Variants in EPHA6 observed in about 807,000 individuals in gnomAD.
EPHA6 encodes ephrin type-A receptor 6.
In EPHA6, 50 loss-of-function variants were observed where a neutral mutation model predicts 112.0. The observed-to-expected ratio is 0.45, with a 90% confidence interval of 0.36 to 0.56. The LOEUF (loss-of-function observed/expected upper bound fraction) is 0.56, where lower values mean the gene tolerates loss of function less well. Among genes scored for constraint, EPHA6 ranks in the 20% least tolerant of loss-of-function variants. The pLI is 0.00. For missense variants in EPHA6, 1,280 were observed against 1,417.4 expected (o/e 0.90, Z 1.56); for synonymous variants, 529 against 490.7 (o/e 1.08, Z -1.03).
intron 2 of EPHA6, among the ~76,000 whole-genome samples, chr3:96,951,661 G>GA (rs1462758306): frequency 6.6e-6 from 1 of 152,048 alleles, no homozygotes; most frequent in Non-Finnish European, 1.5e-5. Context: ...ATATAGACCT[G>GA]AAAATCAGAT....
chr3:96,988,258 T>C (rs2043091330), intron 3 of EPHA6, among the ~76,000 whole-genome samples: 1 of 152,290 alleles, frequency 6.6e-6, no homozygotes, highest in African/African-American at 2.4e-5. Flanking sequence ...TGATAATTAA[T>C]TGTGAAAGCA....
intron 1 of EPHA6, among the ~76,000 whole-genome samples, chr3:96,821,101 T>C (rs2033217768): frequency 6.6e-6 from 1 of 151,984 alleles, no homozygotes; most frequent in African/African-American, 2.4e-5. Flanking sequence ...ATGTGATATT[T>C]TTGGGGATGG....
rs566534819 is a variant in EPHA6 at position 97,190,201 on chromosome 3, T to C, written c.1115-36063T>C. ...CCACCCTTTACTTGTAGTGATGCTA[T>C]CATGTCCATCTTTTCACTGTTACCA... is the stretch of plus-strand genomic sequence containing the variant. On this transcript the variant is annotated intron_variant, in intron 3 of 17. Transcript: ENST00000389672. Among the ~76,000 whole-genome samples, 8 of 152,278 alleles carry C rather than the reference T, an allele frequency of 5.3e-5. No individual in the cohort carries two copies. In the South Asian group the frequency reaches 1.2e-3, roughly 24 times the overall value.
intron 7 of EPHA6, chr3:97,466,152 A>G: frequency 1.7e-6 from 1 of 594,980 alleles, no homozygotes; most frequent in East Asian, 3.2e-5. Context: ...TGTTTTAGAA[A>G]GGTAAGCACA....
chr3:96,922,895 C>A (rs1399967201), intron 2 of EPHA6, among the ~76,000 whole-genome samples: 1 of 152,168 alleles, frequency 6.6e-6, no homozygotes, highest in Non-Finnish European at 1.5e-5. Context: ...TAAGTAAGAA[C>A]ATGCAGTATT....
intron 2 of EPHA6, among the ~76,000 whole-genome samples, chr3:96,980,161 C>A (rs898279986): frequency 1.3e-5 from 2 of 152,156 alleles, no homozygotes; most frequent in African/African-American, 4.8e-5. Context: ...CCTAGGTTTT[C>A]TTCTAGGGTT....
intron 11 of EPHA6, among the ~76,000 whole-genome samples, chr3:97,536,407 A>C (rs2092764816): frequency 6.6e-6 from 1 of 152,218 alleles, no homozygotes; most frequent in African/African-American, 2.4e-5. Context: ...AACTAAATTT[A>C]GATATGCCAA....
At chr3:97,233,052 A>C (rs1287616745) in intron 4 of EPHA6, among the ~76,000 whole-genome samples, 2 of 152,112 alleles carry the variant, frequency 1.3e-5, no homozygotes, top group African/African-American at 2.4e-5. Context: ...TAAGCAGCTG[A>C]TCACCAGCTT....
intron 2 of EPHA6, among the ~76,000 whole-genome samples, chr3:96,966,756 A>T (rs116356824): frequency 6.6e-6 from 1 of 152,076 alleles, no homozygotes; most frequent in African/African-American, 2.4e-5. Context: ...TGCTCACACA[A>T]GGAAAGTAAC....
At chr3:97,161,723 G>A (rs2076420443) in intron 3 of EPHA6, among the ~76,000 whole-genome samples, 1 of 152,058 alleles carries the variant, frequency 6.6e-6, no homozygotes, top group Non-Finnish European at 1.5e-5. Flanking sequence ...AAAGGCCCCT[G>A]AATTTTTGTC....
intron 2 of EPHA6, among the ~76,000 whole-genome samples, chr3:96,924,986 C>A (rs2039960839): frequency 6.6e-6 from 1 of 152,036 alleles, no homozygotes; most frequent in East Asian, 1.9e-4. Flanking sequence ...CTCCTGAAGC[C>A]AACTTAATTG....
chr3:97,485,208 T>C (rs527276870), intron 10 of EPHA6, among the ~76,000 whole-genome samples: 1 of 152,338 alleles, frequency 6.6e-6, no homozygotes, highest in South Asian at 2.1e-4. Flanking sequence ...AAGCAGCTGA[T>C]GATCCTCTGT....
intron 13 of EPHA6, among the ~76,000 whole-genome samples, chr3:97,625,402 A>T (rs999166763): frequency 2.0e-5 from 3 of 151,796 alleles, no homozygotes; most frequent in African/African-American, 7.2e-5. Context: ...GTCAGAGAAC[A>T]TACTTTGTAT....
chr3:97,252,206 G>A (rs1482571200), intron 5 of EPHA6, among the ~76,000 whole-genome samples: 2 of 152,042 alleles, frequency 1.3e-5, no homozygotes, highest in Non-Finnish European at 2.9e-5. Context: ...TGTCCAGAGA[G>A]CACTCCCTCT....
intron 5 of EPHA6, among the ~76,000 whole-genome samples, chr3:97,316,451 C>A (rs912330214): frequency 7.9e-5 from 12 of 151,848 alleles, no homozygotes; most frequent in Admixed American, 7.9e-4. Flanking sequence ...GGAGAAACCT[C>A]ACAGAGAAGG....
At chr3:97,608,977 C>A (rs9873233) in intron 12 of EPHA6, among the ~76,000 whole-genome samples, 23 of 151,252 alleles carry the variant, frequency 1.5e-4, no homozygotes, top group South Asian at 8.3e-4. Context: ...TCAATTTCCA[C>A]ATCTGCATAA....
intron 12 of EPHA6, among the ~76,000 whole-genome samples, chr3:97,596,906 G>GTATATATATATATATATATA (rs1198437621): frequency 6.5e-5 from 6 of 92,882 alleles, no homozygotes; most frequent in African/African-American, 3.5e-4. Flanking sequence ...ATATATATAT[G>GTATATATATATATATATATA]TATGTATATA....
Position 96,915,513 on chromosome 3 carries a change from A to T in EPHA6, c.450+48624A>T, listed in dbSNP as rs867586192. Among the ~76,000 whole-genome samples the T allele has an allele frequency of 4.5e-4, 68 of 152,188 alleles. 1 individual carries two copies. The Middle Eastern group carries it at 0.024, about 53-fold the overall frequency. On this transcript the variant is annotated intron_variant, in intron 2 of 17. Transcript: ENST00000389672. ...ACCTACTATTTTACCTATATTTTCA[A>T]ATTGAATTTTAAGAACTCTGACAGT... is the stretch of plus-strand genomic sequence containing the variant.
chr3:97,319,648 C>T (rs1310944309), intron 5 of EPHA6, among the ~76,000 whole-genome samples: 3 of 139,274 alleles, frequency 2.2e-5, no homozygotes, highest in Non-Finnish European at 4.5e-5. Flanking sequence ...CCAGCCTGGG[C>T]GACAGAGCGA....
Sources: allele counts gnomAD v4.1 joint callset (sites outside exome capture counted in the v4.1 genomes callset), GRCh38; gene constraint gnomAD v4.1.1; transcripts MANE v1.5; gene names NCBI Gene and HGNC (gene_info 2026-07-23, HGNC 2026-07-21).